Variants in ARID3B observed in about 807,000 individuals in gnomAD.
ARID3B encodes AT-rich interaction domain 3B, also known as AT-rich interactive domain-containing protein 3B.
ARID3B carries 10 observed loss-of-function variants against 51.9 expected under a neutral mutation model. That is an observed-to-expected ratio of 0.19 (90% confidence interval 0.12 to 0.33). The LOEUF (loss-of-function observed/expected upper bound fraction) is 0.33. ARID3B is among the 10% of genes least tolerant of loss of function. The pLI is 1.00. For synonymous variants in ARID3B, 205 were observed against 279.5 expected (o/e 0.73, Z 2.66); for missense variants, 483 against 716.3 (o/e 0.67, Z 3.72).
At chr15:74,561,178 G>A (rs1476893776) in intron 2 of ARID3B, among the ~76,000 whole-genome samples, 1 of 152,016 alleles carries the variant, frequency 6.6e-6, no homozygotes, top group East Asian at 1.9e-4. Flanking sequence ...TCTCTTTATG[G>A]TTTCTGTCAT....
chr15:74,584,855 G>C (rs557641319), intron 4 of ARID3B, among the ~76,000 whole-genome samples: 12 of 152,274 alleles, frequency 7.9e-5, no homozygotes, highest in African/African-American at 2.9e-4. Flanking sequence ...AAAGCCCCAG[G>C]AGTCCCGCCA....
intron 8 of ARID3B, among the ~76,000 whole-genome samples, chr15:74,595,238 G>C (rs2061820052): frequency 1.3e-5 from 2 of 152,112 alleles, no homozygotes; most frequent in Non-Finnish European, 2.9e-5. Context: ...GGCTCTTGCT[G>C]TATTGCCCAG....
chr15:74,588,770 T>C (rs866505287), intron 4 of ARID3B, among the ~76,000 whole-genome samples: 1 of 152,026 alleles, frequency 6.6e-6, no homozygotes, highest in African/African-American at 2.4e-5. Context: ...CCAGGTTTCC[T>C]AATCAAGTCC....
chr15:74,589,487 T>C lies in ARID3B; in HGVS notation c.698-333T>C, dbSNP rs116956813. 6.2e-4 allele frequency among the ~76,000 whole-genome samples: 94 copies of C among 152,214 alleles called. No individual in the cohort carries two copies. The East Asian group carries it at 0.017, about 27-fold the overall frequency. ...AGTCGCCAGATCACTAGGAATAGTC[T>C]GGAATCATACTGCCAGCAAAACAAA... On this transcript the variant is annotated intron_variant, in intron 4 of 8. Transcript: ENST00000346246.
At position 74,571,339 on chromosome 15, in the gene ARID3B, A is replaced by G. The variant is rs544737058; in HGVS notation, c.553-1523A>G. On this transcript the variant is annotated intron_variant, in intron 2 of 8. Coordinates refer to ENST00000346246, the MANE Select transcript of ARID3B (RefSeq NM_006465.4). ...TGAGTAGTCCAAAGAATGTTCTCCC[A>G]AGAAACCACTGCTCCCCAGCCCCAC... Among the ~76,000 whole-genome samples, 3 of 152,350 alleles carry G rather than the reference A, an allele frequency of 2.0e-5. No homozygotes were observed. The East Asian group carries it at 5.8e-4, about 29-fold the overall frequency.
chr15:74,557,603 CT>C (rs1271043051), intron 2 of ARID3B, among the ~76,000 whole-genome samples: 1 of 151,940 alleles, frequency 6.6e-6, no homozygotes, highest in Non-Finnish European at 1.5e-5. Flanking sequence ...GTCTGTTAAT[CT>C]TTTTCTAGCT....
At chr15:74,565,862 C>T (rs1194127109) in intron 2 of ARID3B, among the ~76,000 whole-genome samples, 6 of 152,088 alleles carry the variant, frequency 3.9e-5, no homozygotes, top group African/African-American at 1.4e-4. Flanking sequence ...GCTTCTCCTG[C>T]TGCCAGGTGC....
chr15:74,578,536 G>C (rs372107264), intron 4 of ARID3B, among the ~76,000 whole-genome samples: 4 of 152,126 alleles, frequency 2.6e-5, no homozygotes, highest in Admixed American at 1.3e-4. Flanking sequence ...CTTGTCACTT[G>C]TGGAGTGTCT....
rs750249678 is a variant in ARID3B, at chr15:74,595,685, A to G, written c.1594A>G (p.Ser532Gly). ...TCCCCAGAGCCTCGGCAGCAGCGCC[A>G]GCAGCAGCAGCAGCTCTCACTGTTC... ...SAPQSLGSSASSSSSSHCSPS... is the reference protein window; with the variant it reads ...SAPQSLGSSAGSSSSSHCSPS... The change falls in exon 9 of 9, where the codon AGC (serine) becomes GGC (glycine). Residue 532 changes from serine (S) to glycine (G), a missense_variant. Physicochemically the swap from Ser to Gly is moderately conservative, Grantham distance 56 (BLOSUM62 0). Around this residue, in one of 3 missense-constraint regions of ARID3B, gnomAD observed 265 missense variants for 354.4 expected, o/e 0.75. Transcript: ENST00000346246. 24 of 1,565,292 alleles carry G rather than the reference A, an allele frequency of 1.5e-5. No homozygotes were observed. In the African/African-American group the frequency reaches 2.6e-4, roughly 17 times the overall value.
chr15:74,591,913 C>G lies in ARID3B; in HGVS notation c.1420+99C>G. The stretch of plus-strand genomic sequence containing the variant: ...GGCAGGGGTGGTGAGGCACATACTC[C>G]TGACCTGGAAGAGGCCCCTCCAGGT... On this transcript the variant is annotated intron_variant, in intron 7 of 8. Coordinates refer to ENST00000346246, the MANE Select transcript of ARID3B (RefSeq NM_006465.4). This position sits in a 1 kb window ranked among gnomAD's most constrained non-coding sequence, Gnocchi z 5.8. 1 of 1,518,886 alleles carries G rather than the reference C, an allele frequency of 6.6e-7. No individual in the cohort carries two copies. Among genetic ancestry groups the G allele is most frequent in the Non-Finnish European group, 8.8e-7 (1 of 1,130,750 alleles). The allele number at this position is 1,518,886 out of a possible 1,614,324, so 94.1% of individuals were successfully genotyped here.
At chr15:74,577,027 T>C (rs1246948096) in intron 4 of ARID3B, among the ~76,000 whole-genome samples, 1 of 152,120 alleles carries the variant, frequency 6.6e-6, no homozygotes, top group Non-Finnish European at 1.5e-5. Context: ...GAAGGCAAAA[T>C]ATTGGCTTTC....
rs188590703 is a variant in ARID3B at position 74,595,737 on chromosome 15, C to T, written c.1646C>T (p.Thr549Ile). The T allele has an allele frequency of 1.1e-5, 17 of 1,610,688 alleles. No individual in the cohort carries two copies. In the East Asian group the frequency reaches 2.5e-4, roughly 23 times the overall value. Residue 549 changes from threonine to isoleucine, a missense_variant, in exon 9 of 9, where the codon ACC (threonine) becomes ATC (isoleucine). By Grantham distance (89) the Thr-to-Ile change is moderately conservative (BLOSUM62 -1). This residue lies in a region of ARID3B where 265 missense variants were observed against 354.4 expected (regional missense o/e 0.75). Coordinates refer to ENST00000346246, the MANE Select transcript of ARID3B (RefSeq NM_006465.4). The part of the protein sequence containing the change: ...CSPSPTSSRG[T>I]PSAEPSTSWS... ...CCAAGTCCTACCTCATCCCGGGGCA[C>T]CCCCAGCGCAGAGCCCTCCACCAGC...
intron 2 of ARID3B, among the ~76,000 whole-genome samples, chr15:74,562,633 C>A (rs1279988324): frequency 3.9e-5 from 6 of 152,042 alleles, no homozygotes; most frequent in Non-Finnish European, 7.4e-5. Context: ...ATTACAGGCA[C>A]GAGCCACCTC....
In ARID3B at chr15:74,597,169, A is replaced by G. The variant is rs952726997; in HGVS notation, c.*1395A>G. ...GCCAGAGGTTGAGCCGCCCCAGGGTATGAGGAGATGAATAACTCCACAGCT... is the reference window on the plus strand; with the variant it reads ...GCCAGAGGTTGAGCCGCCCCAGGGTGTGAGGAGATGAATAACTCCACAGCT... On this transcript the variant is annotated 3_prime_UTR_variant, in exon 9 of 9. Coordinates refer to ENST00000346246, the MANE Select transcript of ARID3B (RefSeq NM_006465.4). 1.8e-4 allele frequency: 50 copies of G among 275,282 alleles called. No individual in the cohort carries two copies. The highest frequency in any genetic ancestry group is 2.9e-4 in the Non-Finnish European group (42 of 143,854). The allele number at this position is 275,282 out of a possible 1,614,324, so 17.1% of individuals were successfully genotyped here.
chr15:74,565,100 A>G (rs762833993), intron 2 of ARID3B, among the ~76,000 whole-genome samples: 2 of 151,622 alleles, frequency 1.3e-5, no homozygotes, highest in Non-Finnish European at 2.9e-5. Context: ...GCTGGAGTGT[A>G]GTGGTACAAT....
intron 1 of ARID3B, among the ~76,000 whole-genome samples, chr15:74,541,945 C>T (rs928938736): frequency 6.6e-6 from 1 of 152,150 alleles, no homozygotes; most frequent in African/African-American, 2.4e-5. Context: ...GGATCGCTGG[C>T]TGCTTAGGGA....
At chr15:74,555,917 G>A (rs12914530) in intron 2 of ARID3B, among the ~76,000 whole-genome samples, 1 of 144,512 alleles carries the variant, frequency 6.9e-6, no homozygotes, top group South Asian at 2.3e-4. Context: ...TCAGCCTCCC[G>A]AGTAGCTGAG....
At chr15:74,593,355 C>T in intron 8 of ARID3B, 119 bp downstream of exon 8, 1 of 907,874 alleles carries the variant, frequency 1.1e-6, no homozygotes, top group Non-Finnish European at 1.7e-6. Context: ...CTTCCTTTTT[C>T]CTGGTCTCAG....
At chr15:74,557,512 C>T (rs983435077) in intron 2 of ARID3B, among the ~76,000 whole-genome samples, 3 of 152,032 alleles carry the variant, frequency 2.0e-5, no homozygotes, top group Non-Finnish European at 4.4e-5. Flanking sequence ...CTACATTGAC[C>T]ATTATTTTTT....
Sources: allele counts gnomAD v4.1 joint callset (sites outside exome capture counted in the v4.1 genomes callset), GRCh38; gene constraint gnomAD v4.1.1; regional missense constraint gnomAD v4.1.1; non-coding constraint Gnocchi (gnomAD v3.1); transcripts MANE v1.5; gene names NCBI Gene and HGNC (gene_info 2026-07-23, HGNC 2026-07-21).